The following CAPRIN1 variants were observed in gnomAD, a reference collection of about 807,000 sequenced individuals.
CAPRIN1 encodes caprin-1.
CAPRIN1 carries 29 observed loss-of-function variants against 100.9 expected under a neutral mutation model. That is an observed-to-expected ratio of 0.29 (90% CI 0.21 to 0.39). The LOEUF (loss-of-function observed/expected upper bound fraction) is 0.39, where lower values mean the gene tolerates loss of function less well. CAPRIN1 is among the 10% of genes least tolerant of loss of function. CAPRIN1 has a pLI of 1.00. For missense variants in CAPRIN1, 795 were observed against 876.7 expected (o/e 0.91, Z 1.18); for synonymous variants, 338 against 307.5 (o/e 1.10, Z -1.04).
At chr11:34,078,769 A>G (rs1022373519) in intron 6 of CAPRIN1, among the ~76,000 whole-genome samples, 1 of 152,002 alleles carries the variant, frequency 6.6e-6, no homozygotes, top group African/African-American at 2.4e-5. Flanking sequence ...GGACTTTGTA[A>G]TGCTCTTTCT....
At chr11:34,078,995 C>G (rs1415138626) in intron 6 of CAPRIN1, among the ~76,000 whole-genome samples, 3 of 146,920 alleles carry the variant, frequency 2.0e-5, no homozygotes, top group Middle Eastern at 3.4e-3. Context: ...CTTTACATAA[C>G]TTTTTGTTTT....
intron 16 of CAPRIN1, 143 bp downstream of exon 16, chr11:34,096,816 A>G (rs935853030): frequency 1.3e-5 from 8 of 618,454 alleles, no homozygotes; most frequent in Non-Finnish European, 2.2e-5. Flanking sequence ...ATATTTTGGT[A>G]CAATTTGTGT....
intron 2 of CAPRIN1, chr11:34,056,456 C>T (rs1850453522): frequency 6.6e-6 from 1 of 152,118 alleles, no homozygotes; most frequent in African/African-American, 2.4e-5. Flanking sequence ...TGTAATGCAA[C>T]TAAAAGGCTT....
At position 34,076,230 on chromosome 11, in the gene CAPRIN1, T is replaced by G; in HGVS notation, c.367-6T>G. On this transcript the variant is annotated splice_polypyrimidine_tract_variant and splice_region_variant and intron_variant, in intron 4 of 18. Transcript: ENST00000341394. The stretch of plus-strand genomic sequence containing the variant: ...TTTGGTGTTTTACTTTTATATTGTT[T>G]TGCAGATTCAGAAAACAATAAAGAA... 6.2e-7 allele frequency: 1 copy of G among 1,604,108 alleles called. No individual in the cohort carries two copies. The highest frequency in any genetic ancestry group is 8.5e-7 in the Non-Finnish European group (1 of 1,172,312).
chr11:34,059,923 TG>T, intron 2 of CAPRIN1, among the ~76,000 whole-genome samples: 1 of 142,524 alleles, frequency 7.0e-6, no homozygotes, highest in Non-Finnish European at 1.5e-5. Flanking sequence ...AGGCTGGGCA[TG>T]GTGGCTCACG....
At chr11:34,076,725 G>GA (rs869282542) in intron 6 of CAPRIN1, 83 bp downstream of exon 6, 47 of 850,698 alleles carry the variant, frequency 5.5e-5, no homozygotes, top group Admixed American at 4.2e-4. Context: ...TCACTTGGAA[G>GA]AAAAAAATTA....
At chr11:34,097,490 C>T (rs1031388205) in intron 17 of CAPRIN1, among the ~76,000 whole-genome samples, 194 bp downstream of exon 17, 1 of 152,106 alleles carries the variant, frequency 6.6e-6, no homozygotes, top group Non-Finnish European at 1.5e-5. Context: ...ACAGTGATTT[C>T]CAAGAGCAGA....
At chr11:34,059,953 T>A (rs1850540261) in intron 2 of CAPRIN1, among the ~76,000 whole-genome samples, 1 of 147,786 alleles carries the variant, frequency 6.8e-6, no homozygotes, top group Non-Finnish European at 1.5e-5. Flanking sequence ...CTCAGCACTT[T>A]GGGAGGCTGA....
chr11:34,092,618 C>T (rs945105100), intron 15 of CAPRIN1, among the ~76,000 whole-genome samples: 1 of 152,116 alleles, frequency 6.6e-6, no homozygotes, highest in African/African-American at 2.4e-5. Context: ...CCTCAGCCTC[C>T]CAAAGTGCTG....
intron 2 of CAPRIN1, among the ~76,000 whole-genome samples, chr11:34,062,564 G>T (rs1358818253): frequency 6.8e-6 from 1 of 147,730 alleles, no homozygotes; most frequent in Non-Finnish European, 1.5e-5. Context: ...GGCAGAGCTT[G>T]CAGTGAGCTG....
At chr11:34,088,581 G>A (rs1851196557) in intron 11 of CAPRIN1, among the ~76,000 whole-genome samples, 1 of 152,094 alleles carries the variant, frequency 6.6e-6, no homozygotes, top group African/African-American at 2.4e-5. Context: ...AGCCAAGGTG[G>A]GAGGATTTCT....
Position 34,100,237 on chromosome 11 carries a change from G to A in CAPRIN1, c.*870G>A, listed in dbSNP as rs767947125. On this transcript the variant is annotated 3_prime_UTR_variant, in exon 19 of 19. Transcript: ENST00000341394. Reference sequence around the variant, plus strand: ...TGTCTGTCACTAATCCTTGGATTTTGCTGTATTGTCACCTAAATTGGTACA... The same window carrying A: ...TGTCTGTCACTAATCCTTGGATTTTACTGTATTGTCACCTAAATTGGTACA... 1 of 152,076 alleles carries A rather than the reference G, an allele frequency of 6.6e-6. No homozygotes were observed. The highest frequency in any genetic ancestry group is 1.9e-4 in the East Asian group (1 of 5,196). The allele number at this position is 152,076 out of a possible 1,614,324, so 9.4% of individuals were successfully genotyped here. A position where few individuals can be genotyped will look rare whatever the true frequency, so the allele number is the denominator to read the frequency against.
Position 34,089,421 on chromosome 11 carries a change from C to A in CAPRIN1, c.1258C>A (p.Pro420Thr). 1.2e-6 allele frequency: 2 copies of A among 1,608,032 alleles called. No homozygotes were observed. The highest frequency in any genetic ancestry group is 1.7e-6 in the Non-Finnish European group (2 of 1,176,018). ...TCATTCTGAATCTAGACTTGCTCAG[C>A]CTAATCAAGTTCCTGTACAACCAGA... ...PVHSESRLAQ[P>T]NQVPVQPEAT... The change falls in exon 12 of 19, where the codon CCT becomes ACT. Residue 420 changes from proline (P) to threonine (T), a missense_variant. By Grantham distance (38) the Pro-to-Thr change is conservative (BLOSUM62 -1). This residue lies in a region of CAPRIN1 where 648 missense variants were observed against 697.9 expected (regional missense o/e 0.93). Coordinates refer to ENST00000341394, the MANE Select transcript of CAPRIN1 (RefSeq NM_005898.5).
chr11:34,087,290 T>G (rs995010603), intron 11 of CAPRIN1, among the ~76,000 whole-genome samples: 5 of 151,736 alleles, frequency 3.3e-5, no homozygotes, highest in African/African-American at 9.7e-5. Flanking sequence ...GTAAGGTAGT[T>G]AGGATTTTTC....
chr11:34,070,497 T>C (rs1004191101), intron 2 of CAPRIN1, among the ~76,000 whole-genome samples: 5 of 152,306 alleles, frequency 3.3e-5, no homozygotes, highest in African/African-American at 1.2e-4. Flanking sequence ...AGGGTTCAAG[T>C]GATTCTCCCA....
At chr11:34,056,985 CTGT>C (rs1014591622) in intron 2 of CAPRIN1, among the ~76,000 whole-genome samples, 2 of 152,172 alleles carry the variant, frequency 1.3e-5, no homozygotes, top group South Asian at 2.1e-4. Flanking sequence ...AAAAAGAATG[CTGT>C]TGTTGTGAGG....
intron 2 of CAPRIN1, among the ~76,000 whole-genome samples, chr11:34,070,867 T>C (rs1850793088): frequency 6.6e-6 from 1 of 151,826 alleles, no homozygotes; most frequent in South Asian, 2.1e-4. Context: ...CATGCCCAGC[T>C]GATTTTGTAT....
At chr11:34,087,329 A>ATTT (rs5790975) in intron 11 of CAPRIN1, among the ~76,000 whole-genome samples, 3,027 of 96,380 alleles carry the variant, frequency 0.031, 258 homozygotes, top group Non-Finnish European at 0.036. Flanking sequence ...TATCTCTCAC[A>ATTT]TTTTTTTTTT....
At chr11:34,057,404 A>T (rs917035052) in intron 2 of CAPRIN1, among the ~76,000 whole-genome samples, 9 of 152,192 alleles carry the variant, frequency 5.9e-5, no homozygotes, top group Non-Finnish European at 1.0e-4. Context: ...TAAGTATTAC[A>T]TTGAGAATGT....
Sources: allele counts gnomAD v4.1 joint callset (sites outside exome capture counted in the v4.1 genomes callset), GRCh38; gene constraint gnomAD v4.1.1; regional missense constraint gnomAD v4.1.1; transcripts MANE v1.5; gene names NCBI Gene and HGNC (gene_info 2026-07-23, HGNC 2026-07-21).